The following ADCY2 variants were observed in gnomAD, a reference collection of about 807,000 sequenced individuals.
The protein encoded by ADCY2 is adenylate cyclase 2, also known as adenylate cyclase type 2.
In ADCY2, 31 loss-of-function variants were observed where a neutral mutation model predicts 125.2. The observed-to-expected ratio is 0.25, with a 90% CI of 0.19 to 0.33. The LOEUF (loss-of-function observed/expected upper bound fraction) is 0.33, where lower values mean the gene tolerates loss of function less well. Ranked by LOEUF, ADCY2 falls within the 10% of genes least tolerant of loss-of-function variation. ADCY2 has a pLI of 1.00. For synonymous variants in ADCY2, 512 were observed against 548.4 expected, an observed-to-expected ratio of 0.93 and a Z score of 0.93; for missense variants, 904 against 1,418.2, an observed-to-expected ratio of 0.64 and a Z score of 5.82.
intron 4 of ADCY2, among the ~76,000 whole-genome samples, chr5:7,644,379 C>A (rs1157520996): frequency 6.6e-6 from 1 of 152,074 alleles, no homozygotes; most frequent in Non-Finnish European, 1.5e-5. Context: ...TCTCTGACTT[C>A]TTTTTTCCTC....
rs568089543 is a variant in ADCY2, at chr5:7,499,333, G to A, written c.409-21405G>A. The stretch of plus-strand genomic sequence containing the variant: ...GTGGTTTTTTTGTAGGGTAGTTGCT[G>A]GAGGGAGAGGGGCACAAAGACAGGT... On this transcript the variant is annotated intron_variant, in intron 2 of 24. Transcript: ENST00000338316. 4.6e-5 allele frequency among the ~76,000 whole-genome samples: 7 copies of A among 152,114 alleles called. No homozygotes were observed. In the South Asian group the frequency reaches 1.5e-3, roughly 32 times the overall value.
intron 3 of ADCY2, among the ~76,000 whole-genome samples, chr5:7,530,912 G>T (rs1200067468): frequency 1.5e-4 from 23 of 152,030 alleles, no homozygotes; most frequent in Non-Finnish European, 2.9e-5. Context: ...CTCAGGACCT[G>T]GTTCACAGGA....
intron 24 of ADCY2, among the ~76,000 whole-genome samples, chr5:7,822,014 C>T (rs913631769): frequency 4.0e-5 from 6 of 151,886 alleles, no homozygotes; most frequent in African/African-American, 1.5e-4. Flanking sequence ...GCAGCATTAA[C>T]GGAGAAAAGT....
intron 3 of ADCY2, among the ~76,000 whole-genome samples, chr5:7,525,152 G>A (rs532889042): frequency 6.6e-6 from 1 of 152,152 alleles, no homozygotes; most frequent in South Asian, 2.1e-4. Context: ...ACAGGCACAC[G>A]CTGCCATGCC....
intron 4 of ADCY2, among the ~76,000 whole-genome samples, chr5:7,649,970 T>C (rs1739031251): frequency 6.6e-6 from 1 of 151,970 alleles, no homozygotes; most frequent in South Asian, 2.1e-4. Context: ...CAGTTCTACC[T>C]TCAAAGTAAA....
At position 7,695,783 on chromosome 5, in the gene ADCY2, C is replaced by G; in HGVS notation, c.901C>G (p.Arg301Gly). 1 of 1,612,598 alleles carries G rather than the reference C, an allele frequency of 6.2e-7. No individual in the cohort carries two copies. The highest frequency in any genetic ancestry group is 8.5e-7 in the Non-Finnish European group (1 of 1,179,236). Residue 301 changes from arginine to glycine, a missense_variant, in exon 6 of 25, where the codon CGG (arginine) becomes GGG (glycine). Around this residue, in one of 7 missense-constraint regions of ADCY2, gnomAD observed 117 missense variants for 248.0 expected, o/e 0.47. Coordinates refer to ENST00000338316, the MANE Select transcript of ADCY2 (RefSeq NM_020546.3). ...ATACGCTGACATCGTTGGCTTTACC[C>G]GGCTGGCAAGTGACTGCTCCCCGGG... ...ILYADIVGFTRLASDCSPGEL... is the reference protein window; with the variant it reads ...ILYADIVGFTGLASDCSPGEL...
intron 3 of ADCY2, among the ~76,000 whole-genome samples, chr5:7,533,532 T>G (rs974246335): frequency 9.2e-5 from 14 of 152,182 alleles, no homozygotes; most frequent in African/African-American, 3.1e-4. Context: ...ATTTCTAACA[T>G]CTTAGGTTAG....
At position 7,828,735 on chromosome 5, in the gene ADCY2, C is replaced by A. The variant is rs1036544517; in HGVS notation, c.*1864C>A. 6.6e-6 allele frequency: 1 copy of A among 152,358 alleles called. No individual in the cohort carries two copies. The highest frequency in any genetic ancestry group is 1.5e-5 in the Non-Finnish European group (1 of 68,036). The allele number at this position is 152,358 out of a possible 1,614,324, so 9.4% of individuals were successfully genotyped here. A position where few individuals can be genotyped will look rare whatever the true frequency, so the allele number is the denominator to read the frequency against. The stretch of plus-strand genomic sequence containing the variant: ...GCTTTTCTCTTTCCTCTAACTCATT[C>A]TTCACGGATGCCGTAGCGTTTCCGT... On this transcript the variant is annotated 3_prime_UTR_variant, in exon 25 of 25. Transcript: ENST00000338316.
At chr5:7,716,349 C>T (rs1218121908) in intron 11 of ADCY2, among the ~76,000 whole-genome samples, 1 of 152,144 alleles carries the variant, frequency 6.6e-6, no homozygotes, top group Non-Finnish European at 1.5e-5. Context: ...ACTATTTTGT[C>T]AACCAAGCCA....
At chr5:7,684,780 T>TTTA (rs1360267057) in intron 4 of ADCY2, among the ~76,000 whole-genome samples, 2 of 151,594 alleles carry the variant, frequency 1.3e-5, no homozygotes, top group Admixed American at 6.6e-5. Context: ...TGTGCCTTTT[T>TTTA]TTTTTTTTTG....
At chr5:7,398,753 C>A (rs1440968827) in intron 1 of ADCY2, among the ~76,000 whole-genome samples, 1 of 152,204 alleles carries the variant, frequency 6.6e-6, no homozygotes, top group Non-Finnish European at 1.5e-5. Flanking sequence ...GCTGCAGGAC[C>A]AAGTCGGAAG....
intron 3 of ADCY2, among the ~76,000 whole-genome samples, chr5:7,618,500 G>A (rs1737840799): frequency 6.6e-6 from 1 of 152,162 alleles, no homozygotes; most frequent in Non-Finnish European, 1.5e-5. Flanking sequence ...CTAAAATGGA[G>A]TATTATTTTC....
chr5:7,462,494 A>C (rs1242541217), intron 2 of ADCY2, among the ~76,000 whole-genome samples: 1 of 152,212 alleles, frequency 6.6e-6, no homozygotes, highest in Non-Finnish European at 1.5e-5. Flanking sequence ...CATATCTCTT[A>C]CAGGAAATAC....
intron 5 of ADCY2, chr5:7,691,739 G>T (rs2973325): frequency 0.92 from 141,154 of 152,722 alleles, 66,205 homozygotes; most frequent in East Asian, 1. Flanking sequence ...GCTGGGTGTA[G>T]TTGTCCATTC....
intron 7 of ADCY2, among the ~76,000 whole-genome samples, chr5:7,700,615 C>T (rs1314953611): frequency 6.6e-6 from 1 of 151,664 alleles, no homozygotes; most frequent in African/African-American, 2.4e-5. Flanking sequence ...GTCCTGTTGT[C>T]ACTGTGTTGG....
At chr5:7,481,583 T>C (rs1742733496) in intron 2 of ADCY2, among the ~76,000 whole-genome samples, 3 of 152,180 alleles carry the variant, frequency 2.0e-5, no homozygotes, top group African/African-American at 7.2e-5. Flanking sequence ...GAGTACCTTT[T>C]CATATGCCTA....
intron 2 of ADCY2, among the ~76,000 whole-genome samples, chr5:7,512,359 G>C (rs986075886): frequency 6.6e-6 from 1 of 152,080 alleles, no homozygotes; most frequent in Non-Finnish European, 1.5e-5. Context: ...TGTAAGAAAG[G>C]CTGTTTGGAT....
intron 4 of ADCY2, among the ~76,000 whole-genome samples, chr5:7,666,731 C>T (rs1040341327): frequency 4.6e-5 from 7 of 152,210 alleles, no homozygotes; most frequent in South Asian, 2.1e-4. Flanking sequence ...CCAGTGCTGG[C>T]GGTGCCTACG....
intron 23 of ADCY2, among the ~76,000 whole-genome samples, chr5:7,819,822 T>C (rs1745240012): frequency 1.3e-5 from 2 of 152,202 alleles, no homozygotes; most frequent in Non-Finnish European, 2.9e-5. Context: ...CATATCTAGC[T>C]GTAGAATCAG....
Sources: allele counts gnomAD v4.1 joint callset (sites outside exome capture counted in the v4.1 genomes callset), GRCh38; gene constraint gnomAD v4.1.1; regional missense constraint gnomAD v4.1.1; transcripts MANE v1.5; gene names NCBI Gene and HGNC (gene_info 2026-07-23, HGNC 2026-07-21).